The following CFAP206 variants were observed in gnomAD, a reference collection of about 807,000 sequenced individuals.
CFAP206 encodes cilia and flagella associated protein 206.
In CFAP206, 53 loss-of-function variants were observed where a neutral mutation model predicts 65.4. The ratio of observed to expected loss-of-function variants is 0.81; its 90% CI spans 0.65 to 1.02. The LOEUF (loss-of-function observed/expected upper bound fraction) is 1.02. Among genes scored for constraint, CFAP206 ranks in the 50% least tolerant of loss-of-function variants. The pLI, the probability that CFAP206 is intolerant of heterozygous loss-of-function variation, is 0.00. For missense variants in CFAP206, 663 were observed against 753.2 expected (o/e 0.88, Z 1.40); for synonymous variants, 250 against 254.4 (o/e 0.98, Z 0.17).
chr6:87,436,743 G>A (rs2127953281), intron 11 of CFAP206: 1 of 152,240 alleles, frequency 6.6e-6, no homozygotes, highest in Non-Finnish European at 1.5e-5. Flanking sequence ...AGAGTCCTAG[G>A]TTCCTACTGT....
At chr6:87,427,469 G>T (rs879938692) in intron 8 of CFAP206, among the ~76,000 whole-genome samples, 2 of 152,130 alleles carry the variant, frequency 1.3e-5, no homozygotes, top group African/African-American at 4.8e-5. Context: ...AGGATATGAG[G>T]CTGTAATAAC....
rs1582155004 is a variant in CFAP206, at chr6:87,461,234, T to C, written c.1638+69T>C. On this transcript the variant is annotated intron_variant, in intron 12 of 12. Transcript: ENST00000369562. ...TTTAATCTATTGTTACTCATAGAGTTGGTAAATTAAATTATTTATATAAAA... is the reference window on the plus strand; with the variant it reads ...TTTAATCTATTGTTACTCATAGAGTCGGTAAATTAAATTATTTATATAAAA... The C allele has an allele frequency of 2.8e-6, 3 of 1,060,602 alleles. No individual in the cohort carries two copies. In the East Asian group the frequency reaches 9.3e-5, roughly 33 times the overall value. The allele number at this position is 1,060,602 out of a possible 1,614,324, so 65.7% of individuals were successfully genotyped here. A position where few individuals can be genotyped will look rare whatever the true frequency, so the allele number is the denominator to read the frequency against.
At position 87,434,875 on chromosome 6, in the gene CFAP206, G is replaced by T. The variant is rs772261554; in HGVS notation, c.1316G>T (p.Gly439Val). Residue 439 changes from glycine to valine, a missense_variant, in exon 11 of 13, where the codon GGA becomes GTA. Physicochemically the swap from Gly to Val is moderately radical, Grantham distance 109. Coordinates refer to ENST00000369562, the MANE Select transcript of CFAP206 (RefSeq NM_001031743.3). ...GLLLPGNPAI[G>V]ILKYKEKYYT... ...TTATTTTCAGGAAATCCAGCAATTG[G>T]AATTTTAAAATATAAAGAAAAATAT... 1.5e-6 allele frequency: 2 copies of T among 1,379,170 alleles called. No individual in the cohort carries two copies. The highest frequency in any genetic ancestry group is 2.4e-5 in the East Asian group (1 of 42,202). The allele number at this position is 1,379,170 out of a possible 1,614,324, so 85.4% of individuals were successfully genotyped here.
chr6:87,458,324 C>T (rs764720878), intron 11 of CFAP206, among the ~76,000 whole-genome samples: 13 of 152,036 alleles, frequency 8.6e-5, no homozygotes, highest in East Asian at 1.9e-4. Context: ...TAGGTATATA[C>T]CCAAAAGAAA....
chr6:87,419,018 G>T (rs1767890941), intron 7 of CFAP206, among the ~76,000 whole-genome samples: 1 of 151,920 alleles, frequency 6.6e-6, no homozygotes, highest in African/African-American at 2.4e-5. Context: ...AGGCTGAGGT[G>T]GGAGGATCAC....
In CFAP206 at chr6:87,426,581, C is replaced by T; in HGVS notation, c.896C>T (p.Ala299Val). Residue 299 changes from alanine (A) to valine (V), a missense_variant, in exon 8 of 13, where the codon GCC becomes GTC. Ala to Val is a moderately conservative substitution (Grantham distance 64). Coordinates refer to ENST00000369562, the MANE Select transcript of CFAP206 (RefSeq NM_001031743.3). ...EVEMMTKQLG[A>V]HLEQLKMTIK... ...GAAATGATGACAAAACAGTTAGGAG[C>T]CCATCTGGAACAACTAAAAATGACC... The T allele has an allele frequency of 6.2e-7, 1 of 1,601,170 alleles. No individual in the cohort carries two copies. The highest frequency in any genetic ancestry group is 8.5e-7 in the Non-Finnish European group (1 of 1,172,854).
chr6:87,448,696 A>G (rs181008581), intron 11 of CFAP206, among the ~76,000 whole-genome samples: 8 of 151,916 alleles, frequency 5.3e-5, no homozygotes, highest in South Asian at 4.2e-4. Flanking sequence ...TCTACTCCCT[A>G]CTTATATGGG....
chr6:87,427,890 A>C (rs1450776771), intron 8 of CFAP206, among the ~76,000 whole-genome samples: 1 of 151,532 alleles, frequency 6.6e-6, no homozygotes, highest in Non-Finnish European at 1.5e-5. Context: ...GTACTTATGA[A>C]GGTGTTTTTT....
At chr6:87,413,397 T>C (rs2127947271) in intron 3 of CFAP206, among the ~76,000 whole-genome samples, 1 of 152,266 alleles carries the variant, frequency 6.6e-6, no homozygotes, top group Admixed American at 6.5e-5. Context: ...ATGTTCTCAC[T>C]TATAAGTGGG....
chr6:87,449,613 T>C (rs952302685), intron 11 of CFAP206, among the ~76,000 whole-genome samples: 1 of 152,204 alleles, frequency 6.6e-6, no homozygotes, highest in African/African-American at 2.4e-5. Flanking sequence ...TGGCCATTTG[T>C]ATATTTTATT....
Position 87,458,423 on chromosome 6 carries a change from T to A in CFAP206, c.1495-2599T>A, listed in dbSNP as rs571693118. The stretch of plus-strand genomic sequence containing the variant: ...CCAAGATTTGGAAGCAACCCACGTA[T>A]CCATCAAAGACAACTGGATAAAGAA... On this transcript the variant is annotated intron_variant, in intron 11 of 12. Transcript: ENST00000369562. Among the ~76,000 whole-genome samples, 5 of 152,180 alleles carry A rather than the reference T, an allele frequency of 3.3e-5. No homozygotes were observed. In the East Asian group the frequency reaches 9.6e-4, roughly 29 times the overall value.
intron 7 of CFAP206, chr6:87,425,709 C>T (rs1768028311): frequency 6.6e-6 from 1 of 152,174 alleles, no homozygotes; most frequent in Non-Finnish European, 1.5e-5. Flanking sequence ...GGCTTGATAT[C>T]TATCAGGACC....
chr6:87,424,281 T>C (rs1767998825), intron 7 of CFAP206, among the ~76,000 whole-genome samples: 1 of 151,362 alleles, frequency 6.6e-6, no homozygotes, highest in African/African-American at 2.4e-5. Flanking sequence ...AATATAATTA[T>C]TTTTTTTTAT....
At chr6:87,423,225 TA>T (rs1416056244) in intron 7 of CFAP206, among the ~76,000 whole-genome samples, 1 of 146,986 alleles carries the variant, frequency 6.8e-6, no homozygotes, top group Non-Finnish European at 1.5e-5. Context: ...AGCCTTAGAA[TA>T]TTTTTTTATT....
chr6:87,421,370 C>T (rs1254641924), intron 7 of CFAP206, among the ~76,000 whole-genome samples: 1 of 152,030 alleles, frequency 6.6e-6, no homozygotes, highest in Admixed American at 6.6e-5. Flanking sequence ...CCTGTAATCC[C>T]AGCTATTCAG....
chr6:87,457,334 A>G (rs1371150173), intron 11 of CFAP206, among the ~76,000 whole-genome samples: 1 of 152,178 alleles, frequency 6.6e-6, no homozygotes, highest in Non-Finnish European at 1.5e-5. Context: ...CTTATATGGA[A>G]CCACAAAAGA....
chr6:87,410,415 A>C (rs992459695), intron 2 of CFAP206, among the ~76,000 whole-genome samples, 170 bp from the exon 3 acceptor site: 2 of 152,226 alleles, frequency 1.3e-5, no homozygotes, highest in Non-Finnish European at 2.9e-5. Flanking sequence ...TTCAACCTCT[A>C]ACAAGGGTAC....
intron 1 of CFAP206, 79 bp from the exon 2 acceptor site, chr6:87,409,756 A>G: frequency 1.1e-6 from 1 of 876,688 alleles, no homozygotes; most frequent in Non-Finnish European, 1.8e-6. Context: ...CAAATACAAT[A>G]TTGCAGAAAT....
intron 11 of CFAP206, among the ~76,000 whole-genome samples, chr6:87,437,327 A>ATCTGT (rs1343343112): frequency 6.7e-6 from 1 of 150,252 alleles, no homozygotes; most frequent in Non-Finnish European, 1.5e-5. Flanking sequence ...CTTCTTATTT[A>ATCTGT]TCTGTTCAGG....
Sources: gnomAD v4.1 joint callset for allele counts (sites outside exome capture counted in the v4.1 genomes callset) on GRCh38, gnomAD v4.1.1 for gene constraint, MANE v1.5 for transcripts, NCBI Gene and HGNC (gene_info 2026-07-23, HGNC 2026-07-21) for gene names.